Variants in KDM1B observed in about 807,000 individuals in gnomAD.
The protein encoded by KDM1B is lysine demethylase 1B.
In KDM1B, 63 loss-of-function variants were observed where a neutral mutation model predicts 107.4. That is an observed-to-expected ratio of 0.59 (90% CI 0.48 to 0.72). The LOEUF (loss-of-function observed/expected upper bound fraction) is 0.72, where lower values mean the gene tolerates loss of function less well. Among genes scored for constraint, KDM1B ranks in the 30% least tolerant of loss-of-function variants. KDM1B has a pLI of 0.00. For synonymous variants in KDM1B, 363 were observed against 363.9 expected (o/e 1.00, Z 0.03); for missense variants, 749 against 1,020.8 (o/e 0.73, Z 3.63).
At chr6:18,178,515 C>G (rs530708922) in intron 7 of KDM1B, among the ~76,000 whole-genome samples, 1 of 152,264 alleles carries the variant, frequency 6.6e-6, no homozygotes, top group Admixed American at 6.5e-5. Context: ...GCCTCAGCCT[C>G]CCGAGTAGCA....
At chr6:18,156,219 A>C (rs1421681499) in intron 2 of KDM1B, among the ~76,000 whole-genome samples, 1 of 152,152 alleles carries the variant, frequency 6.6e-6, no homozygotes, top group Non-Finnish European at 1.5e-5. Context: ...CTCCTCTGGG[A>C]TTGGAGACCT....
chr6:18,197,737 C>T lies in KDM1B; in HGVS notation c.1221+76C>T. On this transcript the variant is annotated intron_variant, in intron 12 of 21. Coordinates refer to ENST00000650836, the MANE Select transcript of KDM1B (RefSeq NM_001364614.2). This position sits in a 1 kb window ranked among gnomAD's most constrained non-coding sequence, Gnocchi z 4.5. ...GGTCCAAATTTCTAAGATTTAGAAA[C>T]CAGTTCCTATTTTTAGTGAAGAATA... The T allele has an allele frequency of 3.0e-6, 3 of 1,014,062 alleles. No homozygotes were observed. The highest frequency in any genetic ancestry group is 4.5e-6 in the Non-Finnish European group (3 of 665,148). 62.8% of individuals were successfully genotyped at this position (1,014,062 alleles called of 1,614,324 possible).
chr6:18,208,628 T>TATATATATATATATATATG (rs1491350264), intron 17 of KDM1B, among the ~76,000 whole-genome samples: 1 of 16,242 alleles, frequency 6.2e-5, no homozygotes, highest in Non-Finnish European at 1.1e-4. Flanking sequence ...TATATATATA[T>TATATATATATATATATATG]TTTTTTTTTT....
intron 7 of KDM1B, among the ~76,000 whole-genome samples, chr6:18,175,791 T>C (rs1785958509): frequency 6.6e-6 from 1 of 152,236 alleles, no homozygotes; most frequent in Admixed American, 6.5e-5. Context: ...TATTTGGGTT[T>C]ATTTCTGGGT....
chr6:18,168,092 G>T (rs1194855791), intron 6 of KDM1B, among the ~76,000 whole-genome samples: 1 of 152,152 alleles, frequency 6.6e-6, no homozygotes, highest in Non-Finnish European at 1.5e-5. Context: ...TATAAGTAAT[G>T]CTGAGCTTTG....
rs1034564410 is a variant in KDM1B, at chr6:18,222,416, A to G, written c.*424A>G. The G allele has an allele frequency of 2.0e-5, 6 of 306,652 alleles. No individual in the cohort carries two copies. Among genetic ancestry groups the G allele is most frequent in the African/African-American group, 8.8e-5 (4 of 45,378 alleles). 19.0% of individuals were successfully genotyped at this position (306,652 alleles called of 1,614,324 possible). Reference sequence around the variant, plus strand: ...AAAGCCATGTTTTTCTTCTGTGACAATTTATCAGTATCTTTACCAATGAGC... The same window carrying G: ...AAAGCCATGTTTTTCTTCTGTGACAGTTTATCAGTATCTTTACCAATGAGC... On this transcript the variant is annotated 3_prime_UTR_variant, in exon 22 of 22. Transcript: ENST00000650836.
rs1254798771 is a variant in KDM1B, at chr6:18,208,952, C to G, written c.1866+746C>G. On this transcript the variant is annotated intron_variant, in intron 17 of 21. Coordinates refer to ENST00000650836, the MANE Select transcript of KDM1B (RefSeq NM_001364614.2). The stretch of plus-strand genomic sequence containing the variant: ...AACAGGCGTGAGCCACTGTGCTCCG[C>G]CCAAATAGAAGTATATTAAAGGCTC... 1.3e-5 allele frequency among the ~76,000 whole-genome samples: 2 copies of G among 151,868 alleles called. 1 individual carries two copies. Among genetic ancestry groups the G allele is most frequent in the South Asian group, 4.1e-4 (2 of 4,824 alleles).
chr6:18,187,776 G>A lies in KDM1B; in HGVS notation c.574-16G>A. The A allele has an allele frequency of 1.3e-6, 2 of 1,506,144 alleles. No homozygotes were observed. Among genetic ancestry groups the A allele is most frequent in the Non-Finnish European group, 1.8e-6 (2 of 1,107,054 alleles). The allele number at this position is 1,506,144 out of a possible 1,614,324, so 93.3% of individuals were successfully genotyped here. A position where few individuals can be genotyped will look rare whatever the true frequency, so the allele number is the denominator to read the frequency against. ...GTCTGTCCTTGTCTCTCTTCTTCCT[G>A]TCTGGCCCATTGCAGAGAGTATTGG... On this transcript the variant is annotated splice_polypyrimidine_tract_variant and intron_variant, in intron 8 of 21. Transcript: ENST00000650836.
rs897501043 is a variant in KDM1B, at chr6:18,200,030, C to T, written c.1222-409C>T. Reference sequence around the variant, plus strand: ...AATAGCTGGGATTACAGGTGCATGCCACCACACCCGACTATGTATTTCTGG... The same window carrying T: ...AATAGCTGGGATTACAGGTGCATGCTACCACACCCGACTATGTATTTCTGG... On this transcript the variant is annotated intron_variant, in intron 12 of 21. Transcript: ENST00000650836. The surrounding 1 kb of genome is among the most constrained non-coding windows in gnomAD (Gnocchi z 4.3). Among the ~76,000 whole-genome samples, 2 of 152,122 alleles carry T rather than the reference C, an allele frequency of 1.3e-5. No homozygotes were observed. The highest frequency in any genetic ancestry group is 4.8e-5 in the African/African-American group (2 of 41,402).
rs1466016829 is a variant in KDM1B at position 18,204,029 on chromosome 6, G to C, written c.1532-1508G>C. Among the ~76,000 whole-genome samples the C allele has an allele frequency of 1.3e-5, 2 of 152,084 alleles. No homozygotes were observed. The highest frequency in any genetic ancestry group is 4.1e-4 in the South Asian group (2 of 4,828). On this transcript the variant is annotated intron_variant, in intron 14 of 21. Transcript: ENST00000650836. This position sits in a 1 kb window ranked among gnomAD's most constrained non-coding sequence, Gnocchi z 4.9. ...TCACAGAAAGTGGCACAAAGCCCAG[G>C]GGTCTAGGAGCAACAAAGACAGGCA...
intron 7 of KDM1B, among the ~76,000 whole-genome samples, chr6:18,173,229 A>G (rs1785779149): frequency 6.6e-6 from 1 of 152,196 alleles, no homozygotes; most frequent in Admixed American, 6.6e-5. Flanking sequence ...AAATTTAATT[A>G]TAGCCATTCT....
intron 17 of KDM1B, 31 bp downstream of exon 17, chr6:18,208,237 GAA>G (rs1263301440): frequency 2.0e-6 from 3 of 1,520,140 alleles, no homozygotes; most frequent in Non-Finnish European, 2.7e-6. Context: ...AGGGTGGGTA[GAA>G]ACCTTTGCTG....
intron 6 of KDM1B, 85 bp downstream of exon 6, chr6:18,166,463 T>C: frequency 1.3e-6 from 1 of 772,740 alleles, no homozygotes; most frequent in Non-Finnish European, 2.3e-6. Flanking sequence ...TTAGGAAATC[T>C]CCTATTACAT....
intron 7 of KDM1B, among the ~76,000 whole-genome samples, chr6:18,173,649 G>C (rs1032273458): frequency 6.6e-6 from 1 of 151,962 alleles, no homozygotes; most frequent in Non-Finnish European, 1.5e-5. Context: ...TAGATCACTA[G>C]CTCAAGTTTT....
intron 7 of KDM1B, among the ~76,000 whole-genome samples, chr6:18,176,875 C>A (rs11965124): frequency 0.22 from 33,171 of 152,084 alleles, 3,833 homozygotes; most frequent in East Asian, 0.48. Flanking sequence ...TGTTAAGCAT[C>A]TACATTAGCT....
Position 18,184,305 on chromosome 6 carries a change from C to T in KDM1B, c.535-1467C>T, listed in dbSNP as rs1226353440. On this transcript the variant is annotated intron_variant, in intron 7 of 21. Transcript: ENST00000650836. ...TTTTTTTTTTTTTGAGACGGAGTGT[C>T]GCTTTGTCGCCCAGGCTGGAGTTCA... Among the ~76,000 whole-genome samples the T allele has an allele frequency of 1.4e-4, 16 of 114,016 alleles. No homozygotes were observed. The Middle Eastern group carries it at 0.032, about 230-fold the overall frequency. 74.8% of individuals were successfully genotyped at this position (114,016 alleles called of 152,430 possible).
At chr6:18,182,498 C>T (rs939791962) in intron 7 of KDM1B, among the ~76,000 whole-genome samples, 1 of 151,882 alleles carries the variant, frequency 6.6e-6, no homozygotes, top group African/African-American at 2.4e-5. Flanking sequence ...AAGATGTGTC[C>T]ATGTAAGTAT....
At chr6:18,170,465 A>G (rs1477098579) in intron 6 of KDM1B, among the ~76,000 whole-genome samples, 2 of 151,840 alleles carry the variant, frequency 1.3e-5, no homozygotes, top group Admixed American at 6.6e-5. Flanking sequence ...CTGAAAGTAA[A>G]TTTCAGTTTA....
Position 18,195,049 on chromosome 6 carries a change from C to A in KDM1B, c.970-2008C>A, listed in dbSNP as rs529317081. On this transcript the variant is annotated intron_variant, in intron 10 of 21. Transcript: ENST00000650836. ...GTAAATGGAAGCATATAATATGTGG[C>A]CTTTTATGACTGGCTTCTTTTGCTT... Among the ~76,000 whole-genome samples, 3 of 152,288 alleles carry A rather than the reference C, an allele frequency of 2.0e-5. No individual in the cohort carries two copies. The East Asian group carries it at 5.8e-4, about 29-fold the overall frequency.
Sources: gnomAD v4.1 joint callset for allele counts (sites outside exome capture counted in the v4.1 genomes callset) on GRCh38, gnomAD v4.1.1 for gene constraint, Gnocchi (gnomAD v3.1) non-coding constraint, MANE v1.5 for transcripts, NCBI Gene and HGNC (gene_info 2026-07-23, HGNC 2026-07-21) for gene names.